ZNF618: variants seen among roughly 807,000 people sequenced by gnomAD.
The protein encoded by ZNF618 is neural precursor cell expressed, developmentally down-regulated 10.
Under a neutral mutation model 103.0 loss-of-function variants are expected in ZNF618, and 34 were observed. That is an observed-to-expected ratio of 0.33 (90% CI 0.25 to 0.44). The LOEUF is 0.44. Among genes scored for constraint, ZNF618 ranks in the 20% least tolerant of loss-of-function variants. ZNF618 has a pLI of 1.00. For missense variants in ZNF618, 1,059 were observed against 1,295.4 expected (o/e 0.82, Z 2.80); for synonymous variants, 551 against 542.2 (o/e 1.02, Z -0.23).
chr9:113,924,433 T>C (rs1225468835), intron 1 of ZNF618, among the ~76,000 whole-genome samples: 4 of 151,206 alleles, frequency 2.6e-5, no homozygotes, highest in Non-Finnish European at 4.4e-5. Context: ...TCTTTTTTTT[T>C]TTTTTTGGTC....
intron 1 of ZNF618, among the ~76,000 whole-genome samples, chr9:113,904,044 G>A (rs1329126497): frequency 7.1e-6 from 1 of 140,436 alleles, no homozygotes; most frequent in East Asian, 2.1e-4. Context: ...CCAATTGCAT[G>A]TATATTAAGC....
chr9:113,981,328 C>T (rs1430343619), intron 2 of ZNF618, among the ~76,000 whole-genome samples: 3 of 152,124 alleles, frequency 2.0e-5, no homozygotes, highest in Non-Finnish European at 4.4e-5. Flanking sequence ...CGTAGATGTA[C>T]GCCTTGCTCC....
chr9:113,906,572 C>T (rs1024113023), intron 1 of ZNF618, among the ~76,000 whole-genome samples: 3 of 152,118 alleles, frequency 2.0e-5, no homozygotes, highest in African/African-American at 7.2e-5. Context: ...CCAAGTGCTC[C>T]GTGGAGTCAT....
chr9:114,033,882 C>T (rs1486741877), intron 12 of ZNF618, among the ~76,000 whole-genome samples: 1 of 152,182 alleles, frequency 6.6e-6, no homozygotes, highest in Non-Finnish European at 1.5e-5. Flanking sequence ...ACGAACACAT[C>T]ACAACTGTCG....
At chr9:113,946,434 G>A (rs975710812) in intron 1 of ZNF618, among the ~76,000 whole-genome samples, 1 of 151,516 alleles carries the variant, frequency 6.6e-6, no homozygotes, top group Non-Finnish European at 1.5e-5. Context: ...GCAATTTATT[G>A]GTGACAAGTC....
At chr9:113,888,405 G>C (rs78412045) in intron 1 of ZNF618, among the ~76,000 whole-genome samples, 299 of 152,382 alleles carry the variant, frequency 2.0e-3, no homozygotes, top group African/African-American at 6.9e-3. Context: ...AGACCAGCGG[G>C]TTTTGTGTTC....
At chr9:113,918,279 T>C (rs1034006312) in intron 1 of ZNF618, among the ~76,000 whole-genome samples, 2 of 152,224 alleles carry the variant, frequency 1.3e-5, no homozygotes, top group Admixed American at 1.3e-4. Flanking sequence ...CTGGTGATGT[T>C]AGTGTTGAAC....
intron 3 of ZNF618, among the ~76,000 whole-genome samples, chr9:113,991,968 G>A (rs1409929828): frequency 6.6e-6 from 1 of 152,206 alleles, no homozygotes; most frequent in Non-Finnish European, 1.5e-5. Flanking sequence ...AGGCTTTTCT[G>A]CCTAGGGATG....
chr9:114,025,163 A>G (rs1302843638), intron 10 of ZNF618, among the ~76,000 whole-genome samples: 1 of 152,208 alleles, frequency 6.6e-6, no homozygotes, highest in Admixed American at 6.5e-5. Flanking sequence ...TCTTTCTAAG[A>G]TGAAGATTCA....
At chr9:114,004,466 C>T (rs1841546426) in intron 6 of ZNF618, among the ~76,000 whole-genome samples, 1 of 152,250 alleles carries the variant, frequency 6.6e-6, no homozygotes, top group African/African-American at 2.4e-5. Context: ...TTTCCTTCCT[C>T]AGCTATTCTG....
At chr9:114,014,631 G>T (rs1462087239) in intron 9 of ZNF618, among the ~76,000 whole-genome samples, 1 of 152,166 alleles carries the variant, frequency 6.6e-6, no homozygotes, top group Non-Finnish European at 1.5e-5. Context: ...ATAGATCAGG[G>T]TCTGACAAAT....
intron 11 of ZNF618, among the ~76,000 whole-genome samples, chr9:114,029,505 G>A (rs1040379613): frequency 6.6e-6 from 1 of 152,120 alleles, no homozygotes. Context: ...TGGCCATGTG[G>A]CAGGTGTCAT....
At chr9:113,894,530 A>G (rs1829874942) in intron 1 of ZNF618, among the ~76,000 whole-genome samples, 1 of 152,186 alleles carries the variant, frequency 6.6e-6, no homozygotes, top group African/African-American at 2.4e-5. Flanking sequence ...TGTATTTGTA[A>G]TTGTAAATGT....
intron 1 of ZNF618, among the ~76,000 whole-genome samples, chr9:113,959,505 G>A (rs926304506): frequency 6.6e-6 from 1 of 152,216 alleles, no homozygotes; most frequent in African/African-American, 2.4e-5. Flanking sequence ...GGTACCCTGG[G>A]ATGGAAACGA....
chr9:113,938,272 C>G (rs1428831961), intron 1 of ZNF618, among the ~76,000 whole-genome samples: 1 of 146,496 alleles, frequency 6.8e-6, no homozygotes. Flanking sequence ...CTCCTGGTCT[C>G]CAGTGATTCT....
chr9:113,957,064 G>A (rs934446464), intron 1 of ZNF618, among the ~76,000 whole-genome samples: 3 of 152,176 alleles, frequency 2.0e-5, no homozygotes, highest in Admixed American at 2.0e-4. Context: ...TGGAGCCAGG[G>A]CTTGAACCCA....
In ZNF618 at chr9:114,016,789, G is replaced by GT. The variant is rs758570047; in HGVS notation, c.844+6dup. Reference sequence around the variant, plus strand: ...TGGCCTTACACGCCCCCATCAGTGAGTACCTCCTCCCGGTAGGGATGGGGG... The same window carrying GT: ...TGGCCTTACACGCCCCCATCAGTGAGTTACCTCCTCCCGGTAGGGATGGGGG... On this transcript the variant is annotated splice_donor_region_variant and intron_variant, in intron 10 of 14. Coordinates refer to ENST00000374126, the MANE Select transcript of ZNF618 (RefSeq NM_001318042.2). The GT allele has an allele frequency of 1.2e-6, 2 of 1,610,616 alleles. No individual in the cohort carries two copies. The highest frequency in any genetic ancestry group is 2.2e-5 in the South Asian group (2 of 90,402).
At chr9:113,880,383 T>A (rs1828402495) in intron 1 of ZNF618, among the ~76,000 whole-genome samples, 3 of 152,118 alleles carry the variant, frequency 2.0e-5, no homozygotes, top group Admixed American at 2.0e-4. Context: ...AATGAACACT[T>A]GGGATCAGAT....
intron 10 of ZNF618, among the ~76,000 whole-genome samples, chr9:114,026,916 T>C (rs190428005): frequency 6.6e-4 from 100 of 152,198 alleles, no homozygotes; most frequent in African/African-American, 2.3e-3. Context: ...TCCAAGATTG[T>C]GGAGGCCGAG....
Sources: allele counts gnomAD v4.1 joint callset (sites outside exome capture counted in the v4.1 genomes callset), GRCh38; gene constraint gnomAD v4.1.1; transcripts MANE v1.5; gene names NCBI Gene and HGNC (gene_info 2026-07-23, HGNC 2026-07-21).